The following STK32C variants were observed in gnomAD, a reference collection of about 807,000 sequenced individuals.
STK32C encodes the protein serine/threonine-protein kinase 32C.
A neutral mutation model predicts 56.5 loss-of-function variants in STK32C; 31 were observed. The observed-to-expected ratio is 0.55, with a 90% CI of 0.41 to 0.74. The LOEUF is 0.74. Among genes scored for constraint, STK32C ranks in the 30% least tolerant of loss-of-function variants. STK32C has a pLI of 0.00. For missense variants in STK32C, 544 were observed against 676.9 expected (o/e 0.80, Z 2.18); for synonymous variants, 309 against 289.4 (o/e 1.07, Z -0.69).
chr10:132,254,845 C>A (rs2064050410), intron 1 of STK32C, among the ~76,000 whole-genome samples: 1 of 152,178 alleles, frequency 6.6e-6, no homozygotes. Context: ...GCTCCTGACA[C>A]CCCAGGTCCC....
At chr10:132,327,794 A>G (rs535308171) in intron 1 of STK32C, among the ~76,000 whole-genome samples, 108 of 152,186 alleles carry the variant, frequency 7.1e-4, no homozygotes, top group African/African-American at 2.6e-3. Flanking sequence ...GGTAATTTTT[A>G]AAACAAAAAT....
In STK32C at chr10:132,331,510, GT is replaced by G; in HGVS notation, c.226del (p.Thr76ArgfsTer11). On this transcript the variant is annotated frameshift_variant, in exon 1 of 2. Coordinates refer to the STK32C transcript ENST00000368619. LOFTEE classifies it high-confidence loss of function. ...TCCAAAGAGGACGCTCTGAGTCTGCGTTCCCCTGGCAGCAAGTCCTGAGGCA... is the reference window on the plus strand; with the variant it reads ...TCCAAAGAGGACGCTCTGAGTCTGCGTCCCCTGGCAGCAAGTCCTGAGGCA... 1 of 1,612,922 alleles carries G rather than the reference GT, an allele frequency of 6.2e-7. No homozygotes were observed. Among genetic ancestry groups the G allele is most frequent in the Non-Finnish European group, 8.5e-7 (1 of 1,179,890 alleles).
At chr10:132,219,494 C>G (rs907513129) in intron 10 of STK32C, among the ~76,000 whole-genome samples, 2 of 152,184 alleles carry the variant, frequency 1.3e-5, no homozygotes, top group African/African-American at 4.8e-5. Flanking sequence ...TCATCCTGGG[C>G]CTGTTTCTAC....
At chr10:132,297,740 G>A (rs2065796920) in intron 1 of STK32C, among the ~76,000 whole-genome samples, 1 of 152,172 alleles carries the variant, frequency 6.6e-6, no homozygotes, top group Non-Finnish European at 1.5e-5. Flanking sequence ...AGGAAGCCCT[G>A]AGCCAGAGCT....
chr10:132,272,371 G>A (rs768560077), intron 1 of STK32C, among the ~76,000 whole-genome samples: 4 of 152,204 alleles, frequency 2.6e-5, no homozygotes, highest in Non-Finnish European at 2.9e-5. Context: ...GAGTGCAAGC[G>A]GCTGTTGTTT....
intron 1 of STK32C, among the ~76,000 whole-genome samples, chr10:132,294,850 C>T (rs989590435): frequency 6.6e-6 from 1 of 152,190 alleles, no homozygotes; most frequent in Non-Finnish European, 1.5e-5. Flanking sequence ...ACCACGGAGA[C>T]AGGCCACAGG....
In STK32C at chr10:132,279,760, T is replaced by C. The variant is rs534931638; in HGVS notation, c.262+27812A>G. Among the ~76,000 whole-genome samples, 25 of 150,502 alleles carry C rather than the reference T, an allele frequency of 1.7e-4. No individual in the cohort carries two copies. In the South Asian group the frequency reaches 5.1e-3, roughly 31 times the overall value. ...GCACTCCGTGATCACACCACTGCACTCCGTGATCACGCCCCTGTACTCGGT... is the reference window on the plus strand; with the variant it reads ...GCACTCCGTGATCACACCACTGCACCCCGTGATCACGCCCCTGTACTCGGT... On this transcript the variant is annotated intron_variant, in intron 1 of 11. Coordinates refer to ENST00000298630, the MANE Select transcript of STK32C (RefSeq NM_173575.4).
At chr10:132,242,215 A>G (rs1304791548) in intron 2 of STK32C, among the ~76,000 whole-genome samples, 1 of 151,966 alleles carries the variant, frequency 6.6e-6, no homozygotes, top group East Asian at 1.9e-4. Context: ...TCAAGCATGT[A>G]TGGGGGCCAG....
chr10:132,223,365 A>G (rs1565074218), intron 8 of STK32C, among the ~76,000 whole-genome samples: 1 of 152,012 alleles, frequency 6.6e-6, no homozygotes, highest in Non-Finnish European at 1.5e-5. Flanking sequence ...CACTTCCTTC[A>G]CCGAATCATG....
At chr10:132,299,179 C>T (rs2065841717) in intron 1 of STK32C, among the ~76,000 whole-genome samples, 1 of 146,328 alleles carries the variant, frequency 6.8e-6, no homozygotes, top group Admixed American at 6.9e-5. Context: ...ACTGAGACCC[C>T]AAGACAAGAC....
intron 1 of STK32C, among the ~76,000 whole-genome samples, chr10:132,316,667 A>T (rs2066316279): frequency 6.6e-6 from 1 of 152,150 alleles, no homozygotes. Flanking sequence ...TTAAAAAGTC[A>T]TTAAAATGTA....
intron 2 of STK32C, among the ~76,000 whole-genome samples, chr10:132,238,427 G>A (rs67495718): frequency 0.03 from 4,544 of 152,324 alleles, 87 homozygotes; most frequent in Admixed American, 0.049. Flanking sequence ...GGAGGCAGAC[G>A]ACGTGAAGGG....
At chr10:132,284,422 GGGGCAGGTGAGGTTGGGA>G (rs1407179884) in intron 1 of STK32C, among the ~76,000 whole-genome samples, 686 of 47,290 alleles carry the variant, frequency 0.015, 21 homozygotes, top group African/African-American at 0.037. Flanking sequence ...TGAGGTTGGG[GGGGCAGGTGAGGTTGGGA>G]GGGCAGGTGA....
In STK32C at chr10:132,218,554, C is replaced by T. The variant is rs528142768; in HGVS notation, c.1251+4087G>A. Among the ~76,000 whole-genome samples the T allele has an allele frequency of 1.1e-3, 170 of 152,174 alleles. 3 individuals are homozygous for T. Among genetic ancestry groups the T allele is most frequent in the Non-Finnish European group, 1.2e-3 (84 of 68,002 alleles). ...AAAAATAAACCAGACAATAACAGGACTTGGTAAATATATGGAGAAATTAGA... is the reference window on the plus strand; with the variant it reads ...AAAAATAAACCAGACAATAACAGGATTTGGTAAATATATGGAGAAATTAGA... On this transcript the variant is annotated intron_variant, in intron 10 of 11. Coordinates refer to ENST00000298630, the MANE Select transcript of STK32C (RefSeq NM_173575.4).
At chr10:132,260,477 A>G (rs2064266066) in intron 1 of STK32C, among the ~76,000 whole-genome samples, 1 of 152,042 alleles carries the variant, frequency 6.6e-6, no homozygotes, top group Non-Finnish European at 1.5e-5. Flanking sequence ...GCGCCCTCCC[A>G]TACCCTCCCA....
intron 1 of STK32C, among the ~76,000 whole-genome samples, chr10:132,259,836 G>A (rs1334242714): frequency 1.3e-5 from 2 of 152,206 alleles, no homozygotes; most frequent in Non-Finnish European, 1.5e-5. Context: ...TGTGACACTC[G>A]CTACACACTT....
rs544444431 is a variant in STK32C at position 132,274,856 on chromosome 10, A to T, written c.263-28901T>A. Among the ~76,000 whole-genome samples, 322 of 152,298 alleles carry T rather than the reference A, an allele frequency of 2.1e-3. 2 individuals are homozygous for T. The highest frequency in any genetic ancestry group is 7.3e-3 in the African/African-American group (303 of 41,566). On this transcript the variant is annotated intron_variant, in intron 1 of 11. Transcript: ENST00000298630. ...CGCCTCCTCACCCAGGGACGTGGCA[A>T]GGCTGAGTCACTCCCAGGACTCCTT... is the stretch of plus-strand genomic sequence containing the variant.
chr10:132,222,957 G>T lies in STK32C; in HGVS notation c.1023C>A (p.Leu341=), dbSNP rs1434617446. Residue 341 remains leucine, a synonymous_variant, in exon 9 of 12, where the codon CTC becomes CTA. Coordinates refer to ENST00000298630, the MANE Select transcript of STK32C (RefSeq NM_173575.4). ...CTGCCTGCACGTCCTGGAGGCTGGA[G>T]AGCCGGTGCTCGGGGTTCACAGTGA... ...KLLTVNPEHR[L]SSLQDVQAAP... is the part of the protein sequence containing the mutation. 6.4e-7 allele frequency: 1 copy of T among 1,552,136 alleles called. No individual in the cohort carries two copies. Among genetic ancestry groups the T allele is most frequent in the Non-Finnish European group, 8.7e-7 (1 of 1,152,152 alleles).
In STK32C at chr10:132,208,088, C is replaced by G; in HGVS notation, c.1383G>C (p.Ala461=). The G allele has an allele frequency of 7.6e-7, 1 of 1,311,230 alleles. No individual in the cohort carries two copies. The highest frequency in any genetic ancestry group is 9.8e-7 in the Non-Finnish European group (1 of 1,021,556). 81.2% of individuals were successfully genotyped at this position (1,311,230 alleles called of 1,614,324 possible). A position where few individuals can be genotyped will look rare whatever the true frequency, so the allele number is the denominator to read the frequency against. Residue 461 remains alanine, a synonymous_variant, in exon 12 of 12, where the codon GCG becomes GCC. Coordinates refer to ENST00000298630, the MANE Select transcript of STK32C (RefSeq NM_173575.4). ...GTTCCGCCTCGTCCTCCACAGGCTC[C>G]GCAGCATCCCTGGACTCAGGGGCGG... ...PLPAPESRDA[A]EPVEDEAERS... is the part of the protein sequence containing the mutation.
Sources: allele counts gnomAD v4.1 joint callset (sites outside exome capture counted in the v4.1 genomes callset), GRCh38; gene constraint gnomAD v4.1.1; transcripts MANE v1.5; gene names NCBI Gene and HGNC (gene_info 2026-07-23, HGNC 2026-07-21).